The following UPB1 variants were observed in gnomAD, a reference collection of about 807,000 sequenced individuals.
UPB1 encodes the protein beta-ureidopropionase 1.
Under a neutral mutation model 49.1 loss-of-function variants are expected in UPB1, and 40 were observed. The observed-to-expected ratio is 0.81, with a 90% CI of 0.63 to 1.06. The LOEUF is 1.06. Among genes scored for constraint, UPB1 ranks in the 50% least tolerant of loss-of-function variants. The probability of loss-of-function intolerance (pLI) is 0.00; values close to 1 mark genes in which losing one functional copy is unlikely to be tolerated. For missense variants in UPB1, 499 were observed against 505.9 expected (o/e 0.99, Z 0.13); for synonymous variants, 207 against 198.2 (o/e 1.04, Z -0.38).
chr22:24,524,461 C>T (rs1306350515), intron 9 of UPB1, among the ~76,000 whole-genome samples: 1 of 152,150 alleles, frequency 6.6e-6, no homozygotes, highest in Non-Finnish European at 1.5e-5. Flanking sequence ...GTATTTCCAC[C>T]AACTCAGCAC....
At chr22:24,502,506 C>G (rs769399448) in intron 3 of UPB1, 1 of 780,238 alleles carries the variant, frequency 1.3e-6, no homozygotes, top group Non-Finnish European at 2.4e-6. Flanking sequence ...TTGTAATTCC[C>G]TCCAGCTGGT....
At chr22:24,515,516 C>T (rs558108661) in intron 6 of UPB1, 146 bp downstream of exon 6, 6 of 1,093,634 alleles carry the variant, frequency 5.5e-6, no homozygotes, top group East Asian at 5.1e-5. Context: ...GCATGTTGTA[C>T]ATGTGACCAG....
chr22:24,509,567 G>A lies in UPB1; in HGVS notation c.365-1182G>A, dbSNP rs369967314. On this transcript the variant is annotated intron_variant, in intron 3 of 9. Coordinates refer to ENST00000326010, the MANE Select transcript of UPB1 (RefSeq NM_016327.3). ...AGTAGCTTTTCTTATTTCTGAAGAA[G>A]CCTCCTTGTCACTAGGAGGAGGGGG... Among the ~76,000 whole-genome samples the A allele has an allele frequency of 2.4e-4, 36 of 152,002 alleles. No individual in the cohort carries two copies. The East Asian group carries it at 4.4e-3, about 19-fold the overall frequency.
Position 24,515,265 on chromosome 22 carries a change from C to T in UPB1, c.686C>T (p.Ala229Val), listed in dbSNP as rs138473981. The T allele has an allele frequency of 6.8e-6, 11 of 1,614,060 alleles. No homozygotes were observed. Among genetic ancestry groups the T allele is most frequent in the South Asian group, 1.1e-5 (1 of 91,082 alleles). ...PVFQTQFGRIAVNICYGRHHP... is the reference protein window; with the variant it reads ...PVFQTQFGRIVVNICYGRHHP... ...TTCCAGACGCAGTTCGGAAGGATCGCGGTGAACATTTGCTACGGGCGGCAC... is the reference window on the plus strand; with the variant it reads ...TTCCAGACGCAGTTCGGAAGGATCGTGGTGAACATTTGCTACGGGCGGCAC... Residue 229 changes from alanine (A) to valine (V), a missense_variant, in exon 6 of 10, where the codon GCG (alanine) becomes GTG (valine). Ala to Val is a moderately conservative substitution (Grantham distance 64, BLOSUM62 0). Transcript: ENST00000326010.
intron 3 of UPB1, among the ~76,000 whole-genome samples, chr22:24,509,539 A>AT (rs1308542882): frequency 6.6e-6 from 1 of 152,080 alleles, no homozygotes; most frequent in African/African-American, 2.4e-5. Flanking sequence ...GGGATCATTA[A>AT]TGAGTAGCTT....
chr22:24,517,990 C>T (rs764266236), intron 6 of UPB1, among the ~76,000 whole-genome samples: 1 of 152,214 alleles, frequency 6.6e-6, no homozygotes. Flanking sequence ...CATGGTGAAA[C>T]CTCATCTCTA....
intron 1 of UPB1, among the ~76,000 whole-genome samples, chr22:24,497,014 A>G (rs1361128741): frequency 1.3e-5 from 2 of 152,156 alleles, no homozygotes; most frequent in Non-Finnish European, 2.9e-5. Context: ...TATGTGGAAC[A>G]CTGTCCCTCT....
intron 7 of UPB1, among the ~76,000 whole-genome samples, chr22:24,521,603 G>A (rs2147040395): frequency 6.6e-6 from 1 of 152,314 alleles, no homozygotes; most frequent in South Asian, 2.1e-4. Flanking sequence ...AAAGCAGTGT[G>A]TGTACCTGCC....
At chr22:24,521,919 G>A in intron 7 of UPB1, 67 bp from the exon 8 acceptor site, 13 of 1,545,756 alleles carry the variant, frequency 8.4e-6, no homozygotes, top group Non-Finnish European at 9.8e-6. Context: ...ATCTGGCTGA[G>A]TGAGCTGGAA....
chr22:24,497,361 T>C (rs544568610), intron 1 of UPB1, among the ~76,000 whole-genome samples: 2 of 152,328 alleles, frequency 1.3e-5, no homozygotes, highest in East Asian at 3.9e-4. Flanking sequence ...ACCCCCGCCA[T>C]GAGCACATGT....
rs1367677745 is a variant in UPB1 at position 24,523,565 on chromosome 22, A to C, written c.917-54A>C. Reference sequence around the variant, plus strand: ...CCTCAAGGTGCCTGACCCTCTGTGGAGCCCACAGTGCATCTACACAAGCTC... The same window carrying C: ...CCTCAAGGTGCCTGACCCTCTGTGGCGCCCACAGTGCATCTACACAAGCTC... On this transcript the variant is annotated intron_variant, in intron 8 of 9. Coordinates refer to ENST00000326010, the MANE Select transcript of UPB1 (RefSeq NM_016327.3). 6 of 1,611,362 alleles carry C rather than the reference A, an allele frequency of 3.7e-6. No individual in the cohort carries two copies. In the African/African-American group the frequency reaches 8.0e-5, roughly 22 times the overall value.
Position 24,498,356 on chromosome 22 carries a change from C to T in UPB1, c.105-1751C>T, listed in dbSNP as rs62231889. Among the ~76,000 whole-genome samples the T allele has an allele frequency of 6.3e-3, 953 of 152,192 alleles. 9 individuals are homozygous for T. The highest frequency in any genetic ancestry group is 0.05 in the South Asian group (240 of 4,818). On this transcript the variant is annotated intron_variant, in intron 1 of 9. Transcript: ENST00000326010. ...GGGCACAGCACATGGTCATTGACTG[C>T]GTCTACACAGGGTATGGCTTGAGGA... is the stretch of plus-strand genomic sequence containing the variant.
intron 5 of UPB1, among the ~76,000 whole-genome samples, chr22:24,514,162 C>G (rs1399011628): frequency 6.6e-6 from 1 of 152,074 alleles, no homozygotes; most frequent in Non-Finnish European, 1.5e-5. Context: ...GCCATTAATG[C>G]AGTTGTTCAG....
intron 9 of UPB1, among the ~76,000 whole-genome samples, chr22:24,525,336 CT>C (rs2147046250): frequency 6.6e-6 from 1 of 152,324 alleles, no homozygotes; most frequent in African/African-American, 2.4e-5. Context: ...CCAGGAGCCC[CT>C]GGTTCAAATC....
chr22:24,522,151 G>T, intron 8 of UPB1, 123 bp downstream of exon 8: 1 of 1,182,292 alleles, frequency 8.5e-7, no homozygotes, highest in South Asian at 1.3e-5. Flanking sequence ...CACCTAGGAG[G>T]AGGCGCCAAT....
Position 24,525,810 on chromosome 22 carries a change from G to C in UPB1, c.*16G>C, listed in dbSNP as rs764313357. 12 of 1,614,036 alleles carry C rather than the reference G, an allele frequency of 7.4e-6. No homozygotes were observed. Among genetic ancestry groups the C allele is most frequent in the Admixed American group, 1.7e-5 (1 of 60,004 alleles). ...GAAAGAGTAGCCGGCTTCAGTGCCT[G>C]CCTTGGGGTGAGGAAGACACCTCTG... is the stretch of plus-strand genomic sequence containing the variant. On this transcript the variant is annotated 3_prime_UTR_variant, in exon 10 of 10. Transcript: ENST00000326010.
At chr22:24,496,337 C>A (rs2043876224) in intron 1 of UPB1, among the ~76,000 whole-genome samples, 1 of 151,668 alleles carries the variant, frequency 6.6e-6, no homozygotes, top group East Asian at 1.9e-4. Context: ...CTCCTCTGCA[C>A]TCCAGCCTGG....
chr22:24,506,400 G>T (rs2044092342), intron 3 of UPB1, among the ~76,000 whole-genome samples: 1 of 152,164 alleles, frequency 6.6e-6, no homozygotes, highest in Non-Finnish European at 1.5e-5. Flanking sequence ...GAGGTACCTG[G>T]TGCCCCTGGG....
rs753823591 is a variant in UPB1, at chr22:24,525,804, G to A, written c.*10G>A. ...CATCGTGAAAGAGTAGCCGGCTTCA[G>A]TGCCTGCCTTGGGGTGAGGAAGACA... is the stretch of plus-strand genomic sequence containing the variant. On this transcript the variant is annotated 3_prime_UTR_variant, in exon 10 of 10. Coordinates refer to ENST00000326010, the MANE Select transcript of UPB1 (RefSeq NM_016327.3). The A allele has an allele frequency of 5.6e-6, 9 of 1,614,228 alleles. No homozygotes were observed. Among genetic ancestry groups the A allele is most frequent in the Non-Finnish European group, 6.8e-6 (8 of 1,180,032 alleles).
Sources: allele counts gnomAD v4.1 joint callset (sites outside exome capture counted in the v4.1 genomes callset), GRCh38; gene constraint gnomAD v4.1.1; transcripts MANE v1.5; gene names NCBI Gene and HGNC (gene_info 2026-07-23, HGNC 2026-07-21).